The following WRN variants were observed in gnomAD, a reference collection of about 807,000 sequenced individuals.
WRN encodes bifunctional 3'-5' exonuclease/ATP-dependent helicase WRN.
Under a neutral mutation model 180.7 loss-of-function variants are expected in WRN, and 149 were observed. That is an observed-to-expected ratio of 0.82 (90% CI 0.72 to 0.94). The LOEUF (loss-of-function observed/expected upper bound fraction) is 0.94, where lower values mean the gene tolerates loss of function less well. WRN is among the 40% of genes least tolerant of loss of function. WRN has a pLI of 0.00. For missense variants in WRN, 1,661 were observed against 1,700.1 expected, an observed-to-expected ratio of 0.98 and a Z score of 0.40; for synonymous variants, 548 against 568.9, an observed-to-expected ratio of 0.96 and a Z score of 0.52.
intron 23 of WRN, among the ~76,000 whole-genome samples, chr8:31,125,568 A>G (rs1255504043): frequency 7.5e-6 from 1 of 134,060 alleles, no homozygotes; most frequent in Non-Finnish European, 1.6e-5. Context: ...ATATATATAT[A>G]TGGGGAGGGA....
chr8:31,154,381 A>G (rs906020170), intron 31 of WRN, among the ~76,000 whole-genome samples: 5 of 152,086 alleles, frequency 3.3e-5, no homozygotes, highest in Non-Finnish European at 7.4e-5. Context: ...TAAAGAAAAG[A>G]CTAGGAAATG....
At chr8:31,129,465 A>C (rs73670463) in intron 23 of WRN, among the ~76,000 whole-genome samples, 1 of 152,162 alleles carries the variant, frequency 6.6e-6, no homozygotes, top group Non-Finnish European at 1.5e-5. Context: ...GCTTGTCTCA[A>C]AATTCTTCAA....
intron 1 of WRN, among the ~76,000 whole-genome samples, chr8:31,045,609 C>A (rs1435638929): frequency 1.3e-5 from 2 of 152,008 alleles, no homozygotes; most frequent in Non-Finnish European, 2.9e-5. Flanking sequence ...ACCATGTTGG[C>A]CAGGCTGGTC....
Position 31,150,369 on chromosome 8 carries a change from A to T in WRN, c.3601A>T (p.Ile1201Phe), listed in dbSNP as rs2130454038. ...AACTACGGTTGAAAACGTAAAAAGG[A>T]TTGATGGTGTTTCTGAAGGCAAAGC... ...RPTTVENVKR[I>F]DGVSEGKAAM... The change falls in exon 31 of 35, where the codon ATT becomes TTT. Residue 1201 changes from isoleucine (I) to phenylalanine (F), a missense_variant. Ile to Phe is a conservative substitution (Grantham distance 21, BLOSUM62 0). Transcript: ENST00000298139. The T allele has an allele frequency of 1.2e-6, 2 of 1,614,060 alleles. No individual in the cohort carries two copies.
chr8:31,129,514 A>G (rs1413497991), intron 23 of WRN, among the ~76,000 whole-genome samples: 1 of 152,234 alleles, frequency 6.6e-6, no homozygotes, highest in Non-Finnish European at 1.5e-5. Flanking sequence ...TCTGACCATA[A>G]TGCACTTGAG....
intron 33 of WRN, among the ~76,000 whole-genome samples, chr8:31,161,214 T>C (rs1196071733): frequency 2.0e-5 from 3 of 152,188 alleles, no homozygotes; most frequent in South Asian, 4.1e-4. Flanking sequence ...TTCCCTAATA[T>C]TCAATTTCCT....
chr8:31,137,901 C>T (rs955869991), intron 24 of WRN, among the ~76,000 whole-genome samples: 4 of 152,048 alleles, frequency 2.6e-5, no homozygotes, highest in African/African-American at 9.7e-5. Context: ...GAGTTCAAGA[C>T]CAGTCTAGGC....
intron 23 of WRN, among the ~76,000 whole-genome samples, chr8:31,126,002 A>ATATATATATATATATATATATAT (rs1801920108): frequency 6.7e-6 from 1 of 149,478 alleles, no homozygotes; most frequent in African/African-American, 2.5e-5. Flanking sequence ...ATATATATCT[A>ATATATATATATATATATATATAT]CTTAACAAAA....
At chr8:31,094,885 G>T (rs1422591680) in intron 16 of WRN, among the ~76,000 whole-genome samples, 1 of 152,080 alleles carries the variant, frequency 6.6e-6, no homozygotes, top group Admixed American at 6.6e-5. Context: ...CATTTGGGTT[G>T]TTTCCTTTTT....
intron 20 of WRN, 71 bp downstream of exon 20, chr8:31,116,599 C>T (rs1266167944): frequency 5.0e-6 from 8 of 1,584,370 alleles, no homozygotes; most frequent in Admixed American, 3.3e-5. Context: ...TGTTTATTTA[C>T]CAGATCTTTA....
At chr8:31,093,887 G>T (rs907788962) in intron 16 of WRN, among the ~76,000 whole-genome samples, 1 of 152,070 alleles carries the variant, frequency 6.6e-6, no homozygotes, top group Admixed American at 6.6e-5. Flanking sequence ...TTTAAATAAT[G>T]CAGTATAATT....
Position 31,125,008 on chromosome 8 carries a change from T to C in WRN, c.2825+8T>C. 1 of 1,609,106 alleles carries C rather than the reference T, an allele frequency of 6.2e-7. No homozygotes were observed. The highest frequency in any genetic ancestry group is 8.5e-7 in the Non-Finnish European group (1 of 1,175,956). On this transcript the variant is annotated splice_region_variant and intron_variant, in intron 23 of 34. Coordinates refer to ENST00000298139, the MANE Select transcript of WRN (RefSeq NM_000553.6). ...TGATAATTGCAGGTCCAGGTAAAGATTTCTTATTATAGATGGACATTCTAA... is the reference window on the plus strand; with the variant it reads ...TGATAATTGCAGGTCCAGGTAAAGACTTCTTATTATAGATGGACATTCTAA...
chr8:31,119,430 G>A (rs150854131), intron 20 of WRN, among the ~76,000 whole-genome samples: 1 of 151,836 alleles, frequency 6.6e-6, no homozygotes, highest in African/African-American at 2.4e-5. Flanking sequence ...TGTATTAGTC[G>A]TAGGCATTAT....
chr8:31,050,230 A>AT (rs1021831288), intron 1 of WRN, among the ~76,000 whole-genome samples: 8 of 152,268 alleles, frequency 5.3e-5, no homozygotes, highest in African/African-American at 1.9e-4. Flanking sequence ...TGGAAATAAG[A>AT]TTGTTAGGTT....
rs367991517 is a variant in WRN, at chr8:31,067,042, A to T, written c.514A>T (p.Thr172Ser). 4 of 1,613,736 alleles carry T rather than the reference A, an allele frequency of 2.5e-6. No homozygotes were observed. Among genetic ancestry groups the T allele is most frequent in the Non-Finnish European group, 2.5e-6 (3 of 1,179,936 alleles). ...TTTTCATCATTTCTAGCTGAAATGC[A>T]CAGAGACCTGGAGCCTTAACAGTCT... ...TDVANKKLKCTETWSLNSLVK... is the reference protein window; with the variant it reads ...TDVANKKLKCSETWSLNSLVK... The change falls in exon 6 of 35, where the codon ACA (threonine) becomes TCA (serine). Residue 172 changes from threonine (T) to serine (S), a missense_variant. Thr to Ser is a moderately conservative substitution (Grantham distance 58). Coordinates refer to ENST00000298139, the MANE Select transcript of WRN (RefSeq NM_000553.6).
In WRN at chr8:31,058,467, A is replaced by G; in HGVS notation, c.20A>G (p.Glu7Gly). The G allele has an allele frequency of 6.2e-7, 1 of 1,613,680 alleles. No individual in the cohort carries two copies. Among genetic ancestry groups the G allele is most frequent in the South Asian group, 1.1e-5 (1 of 90,990 alleles). MSEKKL[E>G]TTAQQRKCPE... The stretch of plus-strand genomic sequence containing the variant: ...TCAAAGATGAGTGAAAAAAAATTGG[A>G]AACAACTGCACAGCAGCGGAAATGT... The change falls in exon 2 of 35, where the codon GAA becomes GGA. Residue 7 changes from glutamate (E) to glycine (G), a missense_variant. Transcript: ENST00000298139.
chr8:31,078,358 CCT>C (rs1813173455), intron 8 of WRN, among the ~76,000 whole-genome samples: 1 of 152,050 alleles, frequency 6.6e-6, no homozygotes, highest in Non-Finnish European at 1.5e-5. Flanking sequence ...ACAAAAAAGA[CCT>C]CTGAGCAGTC....
chr8:31,072,926 G>A (rs1053220030), intron 7 of WRN, among the ~76,000 whole-genome samples: 3 of 152,160 alleles, frequency 2.0e-5, no homozygotes, highest in Non-Finnish European at 4.4e-5. Flanking sequence ...GTGATTGGCT[G>A]GCTCTTTTGG....
At chr8:31,046,443 C>T (rs961920038) in intron 1 of WRN, among the ~76,000 whole-genome samples, 5 of 151,960 alleles carry the variant, frequency 3.3e-5, no homozygotes, top group African/African-American at 9.7e-5. Context: ...GGCTTTTGAA[C>T]AGTTTCTTCA....
Sources: allele counts gnomAD v4.1 joint callset (sites outside exome capture counted in the v4.1 genomes callset), GRCh38; gene constraint gnomAD v4.1.1; transcripts MANE v1.5; gene names NCBI Gene and HGNC (gene_info 2026-07-23, HGNC 2026-07-21).